The following GALNT13 variants were observed in gnomAD, a reference collection of about 807,000 sequenced individuals.
GALNT13 encodes UDP-GalNAc:polypeptide N-acetylgalactosaminyltransferase 13.
Under a neutral mutation model 64.2 loss-of-function variants are expected in GALNT13, and 28 were observed. The ratio of observed to expected loss-of-function variants is 0.44; its 90% CI spans 0.32 to 0.60. The LOEUF (loss-of-function observed/expected upper bound fraction) is 0.60, where lower values mean the gene tolerates loss of function less well. GALNT13 is among the 20% of genes least tolerant of loss of function. The probability of loss-of-function intolerance (pLI) is 0.05; values close to 1 mark genes in which losing one functional copy is unlikely to be tolerated. For synonymous variants in GALNT13, 214 were observed against 224.6 expected (o/e 0.95, Z 0.42); for missense variants, 577 against 669.8 (o/e 0.86, Z 1.53).
chr2:154,143,650 C>T (rs1442564380), intron 4 of GALNT13, among the ~76,000 whole-genome samples: 1 of 151,436 alleles, frequency 6.6e-6, no homozygotes. Flanking sequence ...CACCTGAAGT[C>T]ACGGGTTTGA....
downstream of GALNT13, among the ~76,000 whole-genome samples, chr2:154,455,595 C>CCT (rs3049891): frequency 0.99 from 151,240 of 152,214 alleles, 75,148 homozygotes; most frequent in Middle Eastern, 1. Context: ...GAAATCAGCC[C>CCT]CTTATGTATA....
At chr2:153,702,006 T>G in the GALNT13 span, among the ~76,000 whole-genome samples, 1 of 152,176 alleles carries the variant, frequency 6.6e-6, no homozygotes, top group Non-Finnish European at 1.5e-5. Context: ...ATATAAATTA[T>G]TCTACTCTAA....
chr2:154,160,105 G>A (rs746614568), intron 4 of GALNT13, among the ~76,000 whole-genome samples: 31 of 152,058 alleles, frequency 2.0e-4, no homozygotes, highest in Admixed American at 5.2e-4. Flanking sequence ...GCCTTTATTT[G>A]ATTTATCTGA....
At chr2:153,765,258 A>G in the GALNT13 span, among the ~76,000 whole-genome samples, 3 of 152,214 alleles carry the variant, frequency 2.0e-5, no homozygotes, top group African/African-American at 7.2e-5. Flanking sequence ...CTGTGAAAGC[A>G]GCTGGGAGGG....
chr2:153,386,829 A>G, the GALNT13 span, among the ~76,000 whole-genome samples: 2 of 152,084 alleles, frequency 1.3e-5, no homozygotes, highest in Non-Finnish European at 2.9e-5. Context: ...TCCTCTGAAC[A>G]ACTGCTGACT....
At chr2:154,403,594 G>C (rs1319342463) in intron 10 of GALNT13, among the ~76,000 whole-genome samples, 1 of 152,160 alleles carries the variant, frequency 6.6e-6, no homozygotes, top group Non-Finnish European at 1.5e-5. Context: ...TTATCTCTCA[G>C]GTCACCCTGG....
chr2:154,156,077 A>T (rs749079077), intron 4 of GALNT13, among the ~76,000 whole-genome samples: 30 of 151,486 alleles, frequency 2.0e-4, no homozygotes, highest in Non-Finnish European at 3.5e-4. Flanking sequence ...TTTGTGAGTT[A>T]TACTGTAGAT....
chr2:154,290,940 G>A (rs979442377), intron 8 of GALNT13, among the ~76,000 whole-genome samples: 5 of 151,722 alleles, frequency 3.3e-5, no homozygotes, highest in East Asian at 2.0e-4. Context: ...CGTCCCTCCC[G>A]GTGGGTTCGT....
At chr2:153,324,905 T>C in the GALNT13 span, among the ~76,000 whole-genome samples, 1,362 of 152,250 alleles carry the variant, frequency 8.9e-3, 25 homozygotes, top group East Asian at 0.083. Context: ...GGAAGATTTT[T>C]GCAAAAATGT....
chr2:153,480,686 T>G, the GALNT13 span, among the ~76,000 whole-genome samples: 1 of 152,196 alleles, frequency 6.6e-6, no homozygotes, highest in African/African-American at 2.4e-5. Context: ...ACAACAAATT[T>G]AAGGCAATAT....
At chr2:154,220,095 G>C (rs915601715) in intron 4 of GALNT13, among the ~76,000 whole-genome samples, 4 of 151,938 alleles carry the variant, frequency 2.6e-5, no homozygotes, top group African/African-American at 9.7e-5. Context: ...GTACCAAATG[G>C]GCTATGCAAG....
At chr2:154,365,192 A>T (rs1697300872) in intron 9 of GALNT13, among the ~76,000 whole-genome samples, 1 of 152,124 alleles carries the variant, frequency 6.6e-6, no homozygotes, top group South Asian at 2.1e-4. Context: ...CATTTATCCT[A>T]TTCACTGAAC....
chr2:153,810,755 G>A, the GALNT13 span, among the ~76,000 whole-genome samples: 1 of 152,140 alleles, frequency 6.6e-6, no homozygotes, highest in South Asian at 2.1e-4. Context: ...TTAAATCAAG[G>A]AAGAATGCTA....
chr2:154,455,885 T>C (rs707088), downstream of GALNT13, among the ~76,000 whole-genome samples: 151,153 of 152,312 alleles, frequency 0.99, 75,020 homozygotes, highest in Middle Eastern at 1. Flanking sequence ...ACTTGTGTTA[T>C]GTTATATAAA....
At chr2:153,974,674 G>A (rs1693964410) in intron 3 of GALNT13, among the ~76,000 whole-genome samples, 1 of 152,014 alleles carries the variant, frequency 6.6e-6, no homozygotes, top group African/African-American at 2.4e-5. Context: ...GAAGAGTTCT[G>A]GAGAAGAGGA....
chr2:153,343,898 TA>T, the GALNT13 span, among the ~76,000 whole-genome samples: 1 of 152,194 alleles, frequency 6.6e-6, no homozygotes. Flanking sequence ...CTAGGATTGT[TA>T]AAAGAACAAT....
At chr2:153,182,667 A>G in the GALNT13 span, among the ~76,000 whole-genome samples, 1 of 152,094 alleles carries the variant, frequency 6.6e-6, no homozygotes, top group Non-Finnish European at 1.5e-5. Context: ...CCATGGTCCC[A>G]CTATCTCATC....
chr2:154,089,661 G>A (rs1251321478), intron 3 of GALNT13, among the ~76,000 whole-genome samples: 2 of 152,024 alleles, frequency 1.3e-5, no homozygotes, highest in South Asian at 2.1e-4. Context: ...CTGGAGTGGC[G>A]CTTCTCTCAT....
the GALNT13 span, among the ~76,000 whole-genome samples, chr2:153,487,493 A>G: frequency 3.3e-5 from 5 of 152,248 alleles, no homozygotes; most frequent in African/African-American, 1.2e-4. Context: ...TCTTATGTGT[A>G]TAACATTCTC....
Sources: gnomAD v4.1 joint callset for allele counts (sites outside exome capture counted in the v4.1 genomes callset) on GRCh38, gnomAD v4.1.1 for gene constraint, MANE v1.5 for transcripts, NCBI Gene and HGNC (gene_info 2026-07-23, HGNC 2026-07-21) for gene names.